CSNK1D: variants seen among roughly 807,000 people sequenced by gnomAD.
The protein encoded by CSNK1D is casein kinase I isoform delta.
Under a neutral mutation model 46.6 loss-of-function variants are expected in CSNK1D, and 16 were observed. The observed-to-expected ratio is 0.34, with a 90% confidence interval of 0.23 to 0.52. The LOEUF (loss-of-function observed/expected upper bound fraction) is 0.52. CSNK1D is among the 20% of genes least tolerant of loss of function. The pLI is 0.95. For missense variants in CSNK1D, 398 were observed against 578.4 expected (o/e 0.69, Z 3.20); for synonymous variants, 276 against 228.2 (o/e 1.21, Z -1.89).
intron 1 of CSNK1D, 65 bp from the exon 2 acceptor site, chr17:82,265,861 G>A (rs1437732225): frequency 9.3e-6 from 12 of 1,283,548 alleles, no homozygotes; most frequent in Non-Finnish European, 1.4e-5. Context: ...CAACATGCTG[G>A]AGAAACAACA....
chr17:82,251,692 A>T lies in CSNK1D; in HGVS notation c.737-165T>A. On this transcript the variant is annotated intron_variant, in intron 5 of 8. Transcript: ENST00000314028. This position sits in a 1 kb window ranked among gnomAD's most constrained non-coding sequence, Gnocchi z 4.5. ...GACCTGAAGCCTTGAGAAAGCATCGAAAAGTATTCAAGTCACGGCCGGGTG... is the reference window on the plus strand; with the variant it reads ...GACCTGAAGCCTTGAGAAAGCATCGTAAAGTATTCAAGTCACGGCCGGGTG... The T allele has an allele frequency of 2.5e-6, 2 of 795,824 alleles. No homozygotes were observed. The highest frequency in any genetic ancestry group is 4.2e-6 in the Non-Finnish European group (2 of 472,060). The allele number at this position is 795,824 out of a possible 1,614,324, so 49.3% of individuals were successfully genotyped here.
At chr17:82,256,716 CA>C (rs2051184230) in intron 2 of CSNK1D, among the ~76,000 whole-genome samples, 1 of 152,100 alleles carries the variant, frequency 6.6e-6, no homozygotes, top group South Asian at 2.1e-4. Context: ...GTGGGTTTCT[CA>C]AAATGCCACC....
At chr17:82,263,775 GC>G (rs1231642574) in intron 2 of CSNK1D, among the ~76,000 whole-genome samples, 1 of 152,194 alleles carries the variant, frequency 6.6e-6, no homozygotes, top group Non-Finnish European at 1.5e-5. Flanking sequence ...GCTCCCGCAG[GC>G]CAAGGCCACA....
intron 2 of CSNK1D, among the ~76,000 whole-genome samples, chr17:82,258,691 A>G (rs956755833): frequency 2.0e-5 from 3 of 152,268 alleles, no homozygotes; most frequent in South Asian, 2.1e-4. Flanking sequence ...CCCGTACCTC[A>G]TAACAAATGC....
intron 2 of CSNK1D, among the ~76,000 whole-genome samples, chr17:82,256,387 T>C (rs1229705254): frequency 2.6e-5 from 4 of 151,904 alleles, no homozygotes; most frequent in Admixed American, 2.6e-4. Context: ...GTGGCACGCT[T>C]CTGTGGTCCC....
intron 8 of CSNK1D, chr17:82,247,343 A>G: frequency 3.0e-6 from 3 of 985,450 alleles, no homozygotes; most frequent in Non-Finnish European, 3.6e-6. Flanking sequence ...CCGTGTACCG[A>G]GAAAAGGCAG....
chr17:82,256,393 G>A (rs976623298), intron 2 of CSNK1D, among the ~76,000 whole-genome samples: 5 of 151,878 alleles, frequency 3.3e-5, no homozygotes, highest in African/African-American at 9.7e-5. Flanking sequence ...CGCTTCTGTG[G>A]TCCCAGCTAC....
At chr17:82,247,117 C>T (rs1223165146) in intron 8 of CSNK1D, 1 of 985,358 alleles carries the variant, frequency 1.0e-6, no homozygotes, top group African/African-American at 1.7e-5. Context: ...GGAGCAGAGG[C>T]CAAGAGGCTT....
At position 82,273,217 on chromosome 17, in the gene CSNK1D, G is replaced by A; in HGVS notation, c.76+89C>T. ...GGGACTTGCGCGGAGACCCCGCGGG[G>A]GCCACCACTTCCTTCCGCGATCGCG... On this transcript the variant is annotated intron_variant, in intron 1 of 8. Transcript: ENST00000314028. This position sits in a 1 kb window ranked among gnomAD's most constrained non-coding sequence, Gnocchi z 5.1. The A allele has an allele frequency of 6.8e-6, 9 of 1,325,194 alleles. No individual in the cohort carries two copies. The highest frequency in any genetic ancestry group is 1.3e-5 in the South Asian group (1 of 79,498). The allele number at this position is 1,325,194 out of a possible 1,614,324, so 82.1% of individuals were successfully genotyped here.
At position 82,249,098 on chromosome 17, in the gene CSNK1D, G is replaced by A; in HGVS notation, c.1058-84C>T. ...CTTTCTATGAGAGGCTGTGGCCAGA[G>A]AGGACCCTGGGCTGCCTGGACAGTC... On this transcript the variant is annotated intron_variant, in intron 7 of 8. Coordinates refer to ENST00000314028, the MANE Select transcript of CSNK1D (RefSeq NM_001893.6). This position sits in a 1 kb window ranked among gnomAD's most constrained non-coding sequence, Gnocchi z 6.7. The A allele has an allele frequency of 6.7e-7, 1 of 1,491,942 alleles. No homozygotes were observed. The highest frequency in any genetic ancestry group is 9.0e-7 in the Non-Finnish European group (1 of 1,109,124). 92.4% of individuals were successfully genotyped at this position (1,491,942 alleles called of 1,614,324 possible). A position where few individuals can be genotyped will look rare whatever the true frequency, so the allele number is the denominator to read the frequency against.
At chr17:82,245,530 A>G in intron 8 of CSNK1D, 1 of 236,516 alleles carries the variant, frequency 4.2e-6, no homozygotes, top group Non-Finnish European at 8.5e-6. Flanking sequence ...AGTGTGGCGC[A>G]GCAAGAGCTT....
In CSNK1D at chr17:82,249,318, C is replaced by T; in HGVS notation, c.1057+113G>A. 8.5e-7 allele frequency: 1 copy of T among 1,178,604 alleles called. No individual in the cohort carries two copies. Among genetic ancestry groups the T allele is most frequent in the Non-Finnish European group, 1.2e-6 (1 of 834,614 alleles). 73.0% of individuals were successfully genotyped at this position (1,178,604 alleles called of 1,614,324 possible). A position where few individuals can be genotyped will look rare whatever the true frequency, so the allele number is the denominator to read the frequency against. On this transcript the variant is annotated intron_variant, in intron 7 of 8. Coordinates refer to ENST00000314028, the MANE Select transcript of CSNK1D (RefSeq NM_001893.6). This position sits in a 1 kb window ranked among gnomAD's most constrained non-coding sequence, Gnocchi z 6.7. ...ATCCACCCTCAGGAGCGAGCATCGC[C>T]TGACACAGGGCACTTAGTGTCCACC...
At position 82,252,421 on chromosome 17, in the gene CSNK1D, T is replaced by A; in HGVS notation, c.736+13A>T. On this transcript the variant is annotated intron_variant, in intron 5 of 8. Transcript: ENST00000314028. This position sits in a 1 kb window ranked among gnomAD's most constrained non-coding sequence, Gnocchi z 4.6. ...TGAGCAGCTCCGCTGAGAAGAGGCCTCCAGAGACTTACAAGGGTAGCCTTT... is the reference window on the plus strand; with the variant it reads ...TGAGCAGCTCCGCTGAGAAGAGGCCACCAGAGACTTACAAGGGTAGCCTTT... The A allele has an allele frequency of 4.3e-6, 7 of 1,614,070 alleles. No homozygotes were observed. Among genetic ancestry groups the A allele is most frequent in the Non-Finnish European group, 4.2e-6 (5 of 1,179,980 alleles).
chr17:82,239,077 G>A (rs551936397), downstream of CSNK1D: 6,603 of 1,206,484 alleles, frequency 5.5e-3, 29 homozygotes, highest in Non-Finnish European at 6.7e-3. Context: ...GGCCACGGCT[G>A]GGCTCCAGCT....
rs370295579 is a variant in CSNK1D, at chr17:82,255,034, G to A, written c.336+395C>T. 1.2e-3 allele frequency: 433 copies of A among 357,748 alleles called. 2 individuals carry two copies. The East Asian group carries it at 0.014, about 11-fold the overall frequency. 22.2% of individuals were successfully genotyped at this position (357,748 alleles called of 1,614,324 possible). Reference sequence around the variant, plus strand: ...CGAGAAGCCAGTGAGCTGAGCCGTCGGAGCCTCGAGAAGCCAGTGAGCTGA... The same window carrying A: ...CGAGAAGCCAGTGAGCTGAGCCGTCAGAGCCTCGAGAAGCCAGTGAGCTGA... On this transcript the variant is annotated intron_variant, in intron 3 of 8. Coordinates refer to ENST00000314028, the MANE Select transcript of CSNK1D (RefSeq NM_001893.6). The surrounding 1 kb of genome is among the most constrained non-coding windows in gnomAD (Gnocchi z 5.9).
Position 82,244,162 on chromosome 17 carries a change from T to C in CSNK1D, c.*619A>G, listed in dbSNP as rs1035088379. On this transcript the variant is annotated 3_prime_UTR_variant, in exon 9 of 9. Coordinates refer to ENST00000314028, the MANE Select transcript of CSNK1D (RefSeq NM_001893.6). Reference sequence around the variant, plus strand: ...GGCACACACACACACCACGGACTTTTGATGAGAAATCTCCTCTCCAAAGCG... The same window carrying C: ...GGCACACACACACACCACGGACTTTCGATGAGAAATCTCCTCTCCAAAGCG... 3 of 1,007,704 alleles carry C rather than the reference T, an allele frequency of 3.0e-6. No homozygotes were observed. The highest frequency in any genetic ancestry group is 1.7e-5 in the African/African-American group (1 of 57,620). The allele number at this position is 1,007,704 out of a possible 1,614,324, so 62.4% of individuals were successfully genotyped here. A position where few individuals can be genotyped will look rare whatever the true frequency, so the allele number is the denominator to read the frequency against.
rs925703085 is a variant in CSNK1D, at chr17:82,243,752, A to G, written c.*1029T>C. On this transcript the variant is annotated 3_prime_UTR_variant, in exon 9 of 9. Coordinates refer to ENST00000314028, the MANE Select transcript of CSNK1D (RefSeq NM_001893.6). Reference sequence around the variant, plus strand: ...AGGCATTCATACAGACGGAGTGCCAATCCGCACAGGAGCATTGAGTGCTGA... The same window carrying G: ...AGGCATTCATACAGACGGAGTGCCAGTCCGCACAGGAGCATTGAGTGCTGA... 1.0e-6 allele frequency: 1 copy of G among 985,432 alleles called. No homozygotes were observed. The highest frequency in any genetic ancestry group is 1.2e-6 in the Non-Finnish European group (1 of 829,948). The allele number at this position is 985,432 out of a possible 1,614,324, so 61.0% of individuals were successfully genotyped here.
Position 82,243,368 on chromosome 17 carries a change from TGGGG to T in CSNK1D, c.*1409_*1412del. 2.0e-6 allele frequency: 2 copies of T among 985,434 alleles called. No homozygotes were observed. The highest frequency in any genetic ancestry group is 2.4e-6 in the Non-Finnish European group (2 of 829,984). The allele number at this position is 985,434 out of a possible 1,614,324, so 61.0% of individuals were successfully genotyped here. A position where few individuals can be genotyped will look rare whatever the true frequency, so the allele number is the denominator to read the frequency against. On this transcript the variant is annotated 3_prime_UTR_variant, in exon 9 of 9. Coordinates refer to ENST00000314028, the MANE Select transcript of CSNK1D (RefSeq NM_001893.6). Reference sequence around the variant, plus strand: ...CACGAACACAGACTGCCCTGCGCATTGGGGTTGGGAGCACATGGCCACTGGCTAC... The same window carrying T: ...CACGAACACAGACTGCCCTGCGCATTTTGGGAGCACATGGCCACTGGCTAC...
At chr17:82,240,208 G>A (rs11651888), downstream of CSNK1D, 1 of 514,904 alleles carries the variant, frequency 1.9e-6, no homozygotes, top group Non-Finnish European at 3.0e-6. Flanking sequence ...GCAGGGCTCA[G>A]GCTGGCGGGC....
Sources: allele counts gnomAD v4.1 joint callset (sites outside exome capture counted in the v4.1 genomes callset), GRCh38; gene constraint gnomAD v4.1.1; non-coding constraint Gnocchi (gnomAD v3.1); transcripts MANE v1.5; gene names NCBI Gene and HGNC (gene_info 2026-07-23, HGNC 2026-07-21).